The following DLG2 variants were observed in gnomAD, a reference collection of about 807,000 sequenced individuals.
The protein encoded by DLG2 is disks large homolog 2.
A neutral mutation model predicts 132.5 loss-of-function variants in DLG2; 45 were observed. The ratio of observed to expected loss-of-function variants is 0.34; its 90% CI spans 0.27 to 0.44. The LOEUF is 0.44. Ranked by LOEUF, DLG2 falls within the 20% of genes least tolerant of loss-of-function variation. The pLI, the probability that DLG2 is intolerant of heterozygous loss-of-function variation, is 1.00. For missense variants in DLG2, 1,045 were observed against 1,196.9 expected (o/e 0.87, Z 1.87); for synonymous variants, 424 against 419.6 (o/e 1.01, Z -0.13).
At chr11:83,955,438 C>A (rs902701248) in intron 14 of DLG2, among the ~76,000 whole-genome samples, 2 of 152,168 alleles carry the variant, frequency 1.3e-5, no homozygotes, top group South Asian at 4.1e-4. Context: ...AGCCAAACGC[C>A]TAGGCAGATA....
intron 6 of DLG2, among the ~76,000 whole-genome samples, chr11:84,933,247 C>T (rs760452154): frequency 2.6e-5 from 4 of 152,124 alleles, no homozygotes; most frequent in Non-Finnish European, 5.9e-5. Flanking sequence ...TGTACCAGTA[C>T]CATCCTCTTT....
intron 3 of DLG2, among the ~76,000 whole-genome samples, chr11:85,312,975 T>C: frequency 6.6e-6 from 1 of 151,992 alleles, no homozygotes; most frequent in East Asian, 1.9e-4. Context: ...CCCTTTTGGA[T>C]ATACATCTAG....
intron 14 of DLG2, among the ~76,000 whole-genome samples, chr11:83,961,813 A>C (rs1034032447): frequency 6.6e-6 from 1 of 152,060 alleles, no homozygotes; most frequent in Non-Finnish European, 1.5e-5. Flanking sequence ...CCCTCATTTT[A>C]ATTAAGAGCA....
intron 19 of DLG2, among the ~76,000 whole-genome samples, chr11:83,602,524 C>A (rs1440618003): frequency 6.6e-6 from 1 of 152,182 alleles, no homozygotes; most frequent in Non-Finnish European, 1.5e-5. Context: ...ACACTGCCTC[C>A]CTGCAGGAGA....
chr11:84,309,755 A>G (rs1567246782), intron 7 of DLG2, among the ~76,000 whole-genome samples: 1 of 152,232 alleles, frequency 6.6e-6, no homozygotes, highest in Non-Finnish European at 1.5e-5. Flanking sequence ...GGCATGATGG[A>G]TACATAGGGA....
intron 6 of DLG2, among the ~76,000 whole-genome samples, chr11:85,077,374 A>C (rs1157289693): frequency 6.6e-6 from 1 of 152,010 alleles, no homozygotes; most frequent in Admixed American, 6.6e-5. Flanking sequence ...AGGAACTAAA[A>C]GGAGTGATAG....
At chr11:84,683,174 G>C (rs1280132986) in intron 6 of DLG2, among the ~76,000 whole-genome samples, 3 of 152,178 alleles carry the variant, frequency 2.0e-5, no homozygotes, top group Non-Finnish European at 4.4e-5. Context: ...GCAGAAATGA[G>C]TCCTTATGGT....
At chr11:83,627,341 A>C (rs992626465) in intron 19 of DLG2, among the ~76,000 whole-genome samples, 1 of 151,940 alleles carries the variant, frequency 6.6e-6, no homozygotes, top group African/African-American at 2.4e-5. Flanking sequence ...TATATCTCCT[A>C]ATGCTATCCC....
intron 18 of DLG2, among the ~76,000 whole-genome samples, chr11:83,772,234 C>T (rs1555393714): frequency 6.6e-6 from 1 of 151,794 alleles, no homozygotes; most frequent in Admixed American, 6.6e-5. Flanking sequence ...ATAGTGAAAC[C>T]CCGTTGCTAC....
chr11:85,330,960 C>T (rs1034201122), intron 3 of DLG2, among the ~76,000 whole-genome samples: 7 of 152,128 alleles, frequency 4.6e-5, no homozygotes, highest in Non-Finnish European at 8.8e-5. Flanking sequence ...TATTACTACA[C>T]TTGAAATGAA....
chr11:84,924,915 T>C (rs965907906), intron 6 of DLG2, among the ~76,000 whole-genome samples: 3 of 152,178 alleles, frequency 2.0e-5, no homozygotes, highest in Non-Finnish European at 2.9e-5. Flanking sequence ...GGACTTTAAA[T>C]GCAAAACTGA....
At chr11:85,430,716 T>C (rs754978094) in intron 3 of DLG2, among the ~76,000 whole-genome samples, 1 of 152,180 alleles carries the variant, frequency 6.6e-6, no homozygotes, top group Non-Finnish European at 1.5e-5. Flanking sequence ...AATGCTGTTT[T>C]CTGGGCAACT....
rs540068591 is a variant in DLG2 at position 84,451,908 on chromosome 11, T to C, written c.519+82662A>G. The stretch of plus-strand genomic sequence containing the variant: ...AGGAAGTGACAGCAAGCCAGGAAGA[T>C]ATCTGGGGAAAGAGTATGTGAAGGC... On this transcript the variant is annotated intron_variant, in intron 7 of 27. Transcript: ENST00000376104. Among the ~76,000 whole-genome samples the C allele has an allele frequency of 4.0e-5, 6 of 151,814 alleles. No homozygotes were observed. The East Asian group carries it at 1.2e-3, about 29-fold the overall frequency.
At chr11:84,456,719 T>C (rs190004682) in intron 7 of DLG2, among the ~76,000 whole-genome samples, 2 of 151,510 alleles carry the variant, frequency 1.3e-5, no homozygotes, top group East Asian at 1.9e-4. Flanking sequence ...ATTGCACTTA[T>C]CAGCTTCTAA....
At chr11:85,478,017 T>A (rs1032399062) in intron 3 of DLG2, among the ~76,000 whole-genome samples, 2 of 151,972 alleles carry the variant, frequency 1.3e-5, no homozygotes, top group Non-Finnish European at 2.9e-5. Context: ...TAGCACTTTT[T>A]TTTTTTTAAG....
chr11:83,920,597 C>T (rs1483395), intron 15 of DLG2, among the ~76,000 whole-genome samples: 127,832 of 151,990 alleles, frequency 0.84, 54,182 homozygotes, highest in African/African-American at 0.96. Context: ...GGGGGGGTCA[C>T]AATACATCAT....
chr11:83,745,759 G>A (rs2092861552), intron 18 of DLG2, among the ~76,000 whole-genome samples: 1 of 151,924 alleles, frequency 6.6e-6, no homozygotes, highest in African/African-American at 2.4e-5. Context: ...CCAAGATCAT[G>A]CCACTGCACT....
chr11:84,521,387 C>T (rs1031635769), intron 7 of DLG2, among the ~76,000 whole-genome samples: 22 of 152,138 alleles, frequency 1.4e-4, no homozygotes, highest in African/African-American at 5.1e-4. Context: ...ATCCAAGACC[C>T]GGATTCCTGT....
At chr11:85,527,423 A>G (rs562598072) in intron 3 of DLG2, among the ~76,000 whole-genome samples, 79 of 151,486 alleles carry the variant, frequency 5.2e-4, no homozygotes, top group Non-Finnish European at 1.8e-4. Context: ...TTCAACTCCC[A>G]CTTATTAGTG....
Sources: gnomAD v4.1 joint callset for allele counts (sites outside exome capture counted in the v4.1 genomes callset) on GRCh38, gnomAD v4.1.1 for gene constraint, MANE v1.5 for transcripts, NCBI Gene and HGNC (gene_info 2026-07-23, HGNC 2026-07-21) for gene names.